Variants in RYR3 observed in about 807,000 individuals in gnomAD.
The protein encoded by RYR3 is ryanodine receptor 3, also known as brain ryanodine receptor-calcium release channel.
In RYR3, 207 loss-of-function variants were observed where a neutral mutation model predicts 584.3. The observed-to-expected ratio is 0.35, with a 90% CI of 0.32 to 0.40. The LOEUF (loss-of-function observed/expected upper bound fraction) is 0.40, where lower values mean the gene tolerates loss of function less well. RYR3 is among the 10% of genes least tolerant of loss of function. RYR3 has a pLI of 1.00. For synonymous variants in RYR3, 2,416 were observed against 2,248.5 expected, an observed-to-expected ratio of 1.07 and a Z score of -2.11; for missense variants, 5,616 against 6,089.2, an observed-to-expected ratio of 0.92 and a Z score of 2.59.
intron 16 of RYR3, among the ~76,000 whole-genome samples, chr15:33,588,513 TATATTGTGTAGTGCTG>T (rs1227654425): frequency 6.6e-6 from 1 of 152,210 alleles, no homozygotes; most frequent in African/African-American, 2.4e-5. Context: ...GTTACCTGGA[TATATTGTGTAGTGCTG>T]ATGTCTGGGT....
At chr15:33,505,457 T>C (rs935347722) in intron 3 of RYR3, among the ~76,000 whole-genome samples, 4 of 152,240 alleles carry the variant, frequency 2.6e-5, no homozygotes, top group Middle Eastern at 3.2e-3. Context: ...CAGCATCTTA[T>C]ATCTTCCACA....
At chr15:33,847,971 G>C (rs1344416303) in intron 93 of RYR3, among the ~76,000 whole-genome samples, 1 of 152,208 alleles carries the variant, frequency 6.6e-6, no homozygotes, top group Non-Finnish European at 1.5e-5. Flanking sequence ...AGCCTTAGGA[G>C]TCCTAACTCA....
At chr15:33,502,523 A>T (rs913842149) in intron 2 of RYR3, among the ~76,000 whole-genome samples, 2 of 152,198 alleles carry the variant, frequency 1.3e-5, no homozygotes, top group African/African-American at 4.8e-5. Flanking sequence ...TACACAGGTG[A>T]TCACAAGCTG....
intron 48 of RYR3, among the ~76,000 whole-genome samples, chr15:33,732,503 G>A (rs552162139): frequency 1.5e-3 from 229 of 152,242 alleles, no homozygotes; most frequent in African/African-American, 5.2e-3. Context: ...ACTGCAGATG[G>A]GCATCAGAGC....
At chr15:33,736,908 C>T (rs2069525914) in intron 49 of RYR3, among the ~76,000 whole-genome samples, 1 of 151,970 alleles carries the variant, frequency 6.6e-6, no homozygotes, top group Non-Finnish European at 1.5e-5. Context: ...GCTACTATGC[C>T]CAGCTAATTT....
At chr15:33,404,178 T>G in intron 1 of RYR3, among the ~76,000 whole-genome samples, 1 of 152,236 alleles carries the variant, frequency 6.6e-6, no homozygotes, top group South Asian at 2.1e-4. Context: ...ATCAAAATAT[T>G]GCTTGTGCTG....
intron 74 of RYR3, among the ~76,000 whole-genome samples, chr15:33,814,900 CAA>C (rs66623531): frequency 2.3e-4 from 21 of 91,786 alleles, no homozygotes; most frequent in African/African-American, 6.5e-4. Flanking sequence ...GACTCTGTCT[CAA>C]AAAAAAAAAA....
chr15:33,845,254 C>CTGT (rs891829313), intron 93 of RYR3, among the ~76,000 whole-genome samples, 192 bp downstream of exon 93: 1 of 152,088 alleles, frequency 6.6e-6, no homozygotes, highest in Non-Finnish European at 1.5e-5. Context: ...AGGTTTTCTT[C>CTGT]TGTTGTTGTT....
intron 1 of RYR3, among the ~76,000 whole-genome samples, chr15:33,322,372 G>C (rs952618452): frequency 6.6e-6 from 1 of 152,062 alleles, no homozygotes; most frequent in Non-Finnish European, 1.5e-5. Flanking sequence ...GAGCGGCAGG[G>C]GGAGGTGCCA....
intron 66 of RYR3, among the ~76,000 whole-genome samples, chr15:33,787,161 G>A (rs542793181): frequency 6.6e-6 from 1 of 152,310 alleles, no homozygotes; most frequent in South Asian, 2.1e-4. Context: ...ACTTCATTCA[G>A]ACAGGCTACT....
chr15:33,770,557 G>A (rs966414190), intron 62 of RYR3, among the ~76,000 whole-genome samples: 1 of 152,036 alleles, frequency 6.6e-6, no homozygotes, highest in African/African-American at 2.4e-5. Context: ...TTCAAGACCA[G>A]TCTGGGCAAC....
At chr15:33,681,531 A>G (rs1661907149) in intron 38 of RYR3, among the ~76,000 whole-genome samples, 1 of 152,148 alleles carries the variant, frequency 6.6e-6, no homozygotes, top group Non-Finnish European at 1.5e-5. Context: ...GAGGGACATT[A>G]TTTAGTCTAC....
intron 62 of RYR3, among the ~76,000 whole-genome samples, chr15:33,769,948 T>TA (rs1326866320): frequency 3.3e-5 from 5 of 151,498 alleles, no homozygotes; most frequent in African/African-American, 7.3e-5. Flanking sequence ...GACCCTGTCT[T>TA]AAAAAATATA....
intron 2 of RYR3, among the ~76,000 whole-genome samples, chr15:33,481,918 C>G (rs898879033): frequency 6.6e-6 from 1 of 151,552 alleles, no homozygotes; most frequent in East Asian, 1.9e-4. Context: ...TTATTTCTAC[C>G]CATTTAAAAT....
intron 15 of RYR3, among the ~76,000 whole-genome samples, chr15:33,585,757 G>A (rs529478804): frequency 6.6e-6 from 1 of 152,322 alleles, no homozygotes; most frequent in East Asian, 1.9e-4. Context: ...CCAGGAAGCG[G>A]GAGATAGGGT....
chr15:33,515,662 G>A (rs538867454), intron 3 of RYR3, among the ~76,000 whole-genome samples: 1 of 152,204 alleles, frequency 6.6e-6, no homozygotes, highest in Non-Finnish European at 1.5e-5. Flanking sequence ...TGTTCCCAGG[G>A]TAACCAGGAA....
chr15:33,350,628 A>G (rs1408400831), intron 1 of RYR3, among the ~76,000 whole-genome samples: 2 of 152,012 alleles, frequency 1.3e-5, no homozygotes, highest in Admixed American at 1.3e-4. Context: ...ACTCAACTAC[A>G]TGGAAACTGA....
chr15:33,369,985 G>T (rs560475945), intron 1 of RYR3, among the ~76,000 whole-genome samples: 1 of 152,274 alleles, frequency 6.6e-6, no homozygotes, highest in South Asian at 2.1e-4. Flanking sequence ...CATGGAAAAT[G>T]CTCATCAATG....
Position 33,823,072 on chromosome 15 carries a change from G to A in RYR3, c.11072G>A (p.Ser3691Asn). The A allele has an allele frequency of 6.2e-7, 1 of 1,612,232 alleles. No individual in the cohort carries two copies. Among genetic ancestry groups the A allele is most frequent in the Non-Finnish European group, 8.5e-7 (1 of 1,178,988 alleles). ...CTTTCTGGTCTTATGCAGTCTTGCA[G>A]GTAAATGCGGGAAAACTACCATAGC... is the stretch of plus-strand genomic sequence containing the variant. ...QSLSGLMQSCSVLDLNAFERQ... is the reference protein window; with the variant it reads ...QSLSGLMQSCNVLDLNAFERQ... Residue 3691 changes from serine (S) to asparagine (N), a missense_variant and splice_region_variant, in exon 81 of 104, where the codon AGT (serine) becomes AAT (asparagine). Physicochemically the swap from Ser to Asn is conservative, Grantham distance 46. Around this residue, in one of 9 missense-constraint regions of RYR3, gnomAD observed 954 missense variants for 1,132.2 expected, o/e 0.84. Coordinates refer to ENST00000634891, the MANE Select transcript of RYR3 (RefSeq NM_001036.6).
Sources: allele counts gnomAD v4.1 joint callset (sites outside exome capture counted in the v4.1 genomes callset), GRCh38; gene constraint gnomAD v4.1.1; regional missense constraint gnomAD v4.1.1; transcripts MANE v1.5; gene names NCBI Gene and HGNC (gene_info 2026-07-23, HGNC 2026-07-21).